The following FBXL7 variants were observed in gnomAD, a reference collection of about 807,000 sequenced individuals.
The protein encoded by FBXL7 is F-box/LRR-repeat protein 7.
In FBXL7, 12 loss-of-function variants were observed where a neutral mutation model predicts 38.3. The ratio of observed to expected loss-of-function variants is 0.31; its 90% CI spans 0.20 to 0.51. The LOEUF is 0.51. Ranked by LOEUF, FBXL7 falls within the 20% of genes least tolerant of loss-of-function variation. The pLI, the probability that FBXL7 is intolerant of heterozygous loss-of-function variation, is 0.98. For synonymous variants in FBXL7, 297 were observed against 300.9 expected (o/e 0.99, Z 0.13); for missense variants, 567 against 676.4 (o/e 0.84, Z 1.79).
chr5:15,711,977 C>T (rs1474898257), intron 2 of FBXL7, among the ~76,000 whole-genome samples: 3 of 152,156 alleles, frequency 2.0e-5, no homozygotes, highest in Admixed American at 2.0e-4. Context: ...TATAAATGCA[C>T]TCATCTGAAA....
At chr5:15,833,429 T>A (rs1738510079) in intron 2 of FBXL7, among the ~76,000 whole-genome samples, 1 of 152,186 alleles carries the variant, frequency 6.6e-6, no homozygotes, top group Non-Finnish European at 1.5e-5. Flanking sequence ...TTAGTGATGG[T>A]ATTAGATTAG....
intron 1 of FBXL7, among the ~76,000 whole-genome samples, chr5:15,546,659 A>C (rs1226147147): frequency 6.6e-6 from 1 of 152,206 alleles, no homozygotes; most frequent in Non-Finnish European, 1.5e-5. Flanking sequence ...TGAACCTATG[A>C]GGTGGAAGTT....
At chr5:15,626,138 T>C (rs566751074) in intron 2 of FBXL7, among the ~76,000 whole-genome samples, 5 of 152,324 alleles carry the variant, frequency 3.3e-5, no homozygotes, top group Admixed American at 3.3e-4. Context: ...AGGAAAGCTT[T>C]GCAAGACTTT....
chr5:15,543,019 A>G (rs1291319349), intron 1 of FBXL7, among the ~76,000 whole-genome samples: 3 of 152,190 alleles, frequency 2.0e-5, no homozygotes, highest in Non-Finnish European at 4.4e-5. Context: ...GAAGTTACAA[A>G]TATAGATTTA....
chr5:15,564,601 G>C (rs1417440876), intron 1 of FBXL7, among the ~76,000 whole-genome samples: 1 of 151,960 alleles, frequency 6.6e-6, no homozygotes, highest in African/African-American at 2.4e-5. Flanking sequence ...CAAAACCTTG[G>C]ACTGCAGTTC....
At chr5:15,851,748 A>G (rs956936372) in intron 2 of FBXL7, among the ~76,000 whole-genome samples, 1 of 152,134 alleles carries the variant, frequency 6.6e-6, no homozygotes, top group South Asian at 2.1e-4. Flanking sequence ...GGATAAATAT[A>G]AGCCTGTGTA....
At chr5:15,503,699 C>T (rs941165822) in intron 1 of FBXL7, among the ~76,000 whole-genome samples, 1 of 152,126 alleles carries the variant, frequency 6.6e-6, no homozygotes, top group African/African-American at 2.4e-5. Flanking sequence ...GCGAATTGTT[C>T]GTTGCTCAAT....
chr5:15,787,493 A>G (rs990752001), intron 2 of FBXL7, among the ~76,000 whole-genome samples: 4 of 152,288 alleles, frequency 2.6e-5, no homozygotes, highest in South Asian at 2.1e-4. Flanking sequence ...CAGGGATACT[A>G]TTGGAGTGAA....
At chr5:15,683,548 A>G (rs1305862246) in intron 2 of FBXL7, among the ~76,000 whole-genome samples, 1 of 152,228 alleles carries the variant, frequency 6.6e-6, no homozygotes, top group Non-Finnish European at 1.5e-5. Context: ...GACATCATAA[A>G]GAGGGTGGAA....
intron 2 of FBXL7, among the ~76,000 whole-genome samples, chr5:15,750,340 A>G (rs1736123788): frequency 6.6e-6 from 1 of 152,186 alleles, no homozygotes; most frequent in South Asian, 2.1e-4. Flanking sequence ...AGTGCCTTGG[A>G]CTAGGCTTTC....
intron 2 of FBXL7, among the ~76,000 whole-genome samples, chr5:15,718,442 G>T: frequency 6.6e-6 from 1 of 152,206 alleles, no homozygotes; most frequent in Admixed American, 6.5e-5. Context: ...ATAAGATTTG[G>T]GTATCTTAGT....
At chr5:15,649,230 C>T (rs978627815) in intron 2 of FBXL7, among the ~76,000 whole-genome samples, 5 of 152,160 alleles carry the variant, frequency 3.3e-5, no homozygotes, top group Admixed American at 6.5e-5. Context: ...CTCCTGACCT[C>T]AGGTGATCCA....
At chr5:15,888,477 C>A (rs1740773833) in intron 2 of FBXL7, among the ~76,000 whole-genome samples, 1 of 152,124 alleles carries the variant, frequency 6.6e-6, no homozygotes, top group Non-Finnish European at 1.5e-5. Context: ...GATCTGCCGA[C>A]CTCAGCCTCC....
rs754360618 is a variant in FBXL7 at position 15,615,979 on chromosome 5, C to T, written c.38-4C>T. ...CAAAAGCTGCTCATTCCTGTTTCTT[C>T]CAGGCAAAGGCAGCTCGAGCATCTC... On this transcript the variant is annotated splice_region_variant and splice_polypyrimidine_tract_variant and intron_variant, in intron 1 of 3. Transcript: ENST00000504595. The T allele has an allele frequency of 3.1e-6, 5 of 1,608,818 alleles. No homozygotes were observed. Among genetic ancestry groups the T allele is most frequent in the Non-Finnish European group, 4.3e-6 (5 of 1,176,240 alleles).
chr5:15,688,713 G>A (rs897123257), intron 2 of FBXL7, among the ~76,000 whole-genome samples: 8 of 152,182 alleles, frequency 5.3e-5, no homozygotes, highest in Admixed American at 5.2e-4. Context: ...GGGCAATAGT[G>A]TTGTGTCCCC....
chr5:15,815,562 T>C (rs1737991691), intron 2 of FBXL7, among the ~76,000 whole-genome samples: 1 of 152,194 alleles, frequency 6.6e-6, no homozygotes, highest in African/African-American at 2.4e-5. Context: ...TCTGCCTTGA[T>C]AGATTATTTC....
At chr5:15,577,096 A>G (rs1738989527) in intron 1 of FBXL7, among the ~76,000 whole-genome samples, 1 of 152,230 alleles carries the variant, frequency 6.6e-6, no homozygotes, top group South Asian at 2.1e-4. Flanking sequence ...TCTGAGAAGC[A>G]GCCTGGATAA....
intron 2 of FBXL7, among the ~76,000 whole-genome samples, chr5:15,711,716 C>T (rs1743881755): frequency 1.3e-5 from 2 of 151,988 alleles, no homozygotes; most frequent in Admixed American, 1.3e-4. Flanking sequence ...TACCGTAAAC[C>T]CTATTGTGAA....
chr5:15,745,480 A>C (rs2126679311), intron 2 of FBXL7, among the ~76,000 whole-genome samples: 1 of 152,340 alleles, frequency 6.6e-6, no homozygotes, highest in Admixed American at 6.5e-5. Context: ...AAATTTTAAA[A>C]TAATGAAATT....
Sources: gnomAD v4.1 joint callset for allele counts (sites outside exome capture counted in the v4.1 genomes callset) on GRCh38, gnomAD v4.1.1 for gene constraint, MANE v1.5 for transcripts, NCBI Gene and HGNC (gene_info 2026-07-23, HGNC 2026-07-21) for gene names.